The following GDPD5 variants were observed in gnomAD, a reference collection of about 807,000 sequenced individuals.
GDPD5 encodes glycerophosphodiester phosphodiesterase domain containing 5.
A neutral mutation model predicts 75.1 loss-of-function variants in GDPD5; 48 were observed. The observed-to-expected ratio is 0.64, with a 90% CI of 0.51 to 0.81. The LOEUF is 0.81. GDPD5 is among the 40% of genes least tolerant of loss of function. The probability of loss-of-function intolerance (pLI) is 0.00; values close to 1 mark genes in which losing one functional copy is unlikely to be tolerated. For synonymous variants in GDPD5, 336 were observed against 339.0 expected (o/e 0.99, Z 0.10); for missense variants, 706 against 822.6 (o/e 0.86, Z 1.73).
chr11:75,453,207 C>A (rs1949208966), intron 6 of GDPD5, among the ~76,000 whole-genome samples: 1 of 152,078 alleles, frequency 6.6e-6, no homozygotes, highest in South Asian at 2.1e-4. Flanking sequence ...CACATAAGCA[C>A]CAGATCTACT....
intron 9 of GDPD5, 93 bp downstream of exon 9, chr11:75,448,884 G>A: frequency 4.3e-6 from 6 of 1,390,558 alleles, no homozygotes; most frequent in Non-Finnish European, 5.7e-6. Flanking sequence ...GCTACAAATG[G>A]TTGCTACCAT....
chr11:75,439,881 C>G lies in GDPD5; in HGVS notation c.1554G>C (p.Gln518His). 1 of 1,613,384 alleles carries G rather than the reference C, an allele frequency of 6.2e-7. No homozygotes were observed. Among genetic ancestry groups the G allele is most frequent in the South Asian group, 1.1e-5 (1 of 91,056 alleles). ...FTLIVGIFVL[Q>H]KWRLGGIRSY... ...GGAAGTGGTCAGATCCTACTCACTT[C>G]TGGAGCACGAAGATGCCCACGATGA... is the stretch of plus-strand genomic sequence containing the variant. The change falls in exon 15 of 17, where the codon CAG becomes CAC. Residue 518 changes from glutamine (Q) to histidine (H), a missense_variant and splice_region_variant. Coordinates refer to ENST00000336898, the MANE Select transcript of GDPD5 (RefSeq NM_030792.8).
chr11:75,441,323 G>A lies in GDPD5; in HGVS notation c.1326-13C>T, dbSNP rs1183875074. The A allele has an allele frequency of 6.2e-7, 1 of 1,614,068 alleles. No homozygotes were observed. Among genetic ancestry groups the A allele is most frequent in the Non-Finnish European group, 8.5e-7 (1 of 1,179,986 alleles). On this transcript the variant is annotated splice_polypyrimidine_tract_variant and intron_variant, in intron 13 of 16. Coordinates refer to ENST00000336898, the MANE Select transcript of GDPD5 (RefSeq NM_030792.8). ...GGACGCGTAGTCCCTGTGGGGCAGG[G>A]GAGAGGCAGGTCAGCATGCGGACCC...
intron 1 of GDPD5, among the ~76,000 whole-genome samples, chr11:75,496,474 T>C (rs751359920): frequency 5.9e-5 from 9 of 152,222 alleles, no homozygotes; most frequent in Non-Finnish European, 1.5e-5. Context: ...TCCTATGTCA[T>C]ATGGGGACAC....
chr11:75,521,676 G>C (rs1941462026), intron 1 of GDPD5, among the ~76,000 whole-genome samples: 1 of 152,194 alleles, frequency 6.6e-6, no homozygotes. Flanking sequence ...GATTCAGAGG[G>C]GGCATGACCA....
chr11:75,444,715 G>C (rs1008001315), intron 9 of GDPD5, among the ~76,000 whole-genome samples: 3 of 152,152 alleles, frequency 2.0e-5, no homozygotes, highest in East Asian at 1.9e-4. Flanking sequence ...TACTGGGGGC[G>C]GGGGAGGCAG....
At chr11:75,475,274 A>G (rs950419686) in intron 3 of GDPD5, among the ~76,000 whole-genome samples, 5 of 152,100 alleles carry the variant, frequency 3.3e-5, no homozygotes, top group African/African-American at 9.7e-5. Flanking sequence ...GTTGGGAGAT[A>G]CAGGGGGAGA....
At chr11:75,493,981 T>C (rs1950163688) in intron 1 of GDPD5, among the ~76,000 whole-genome samples, 1 of 152,156 alleles carries the variant, frequency 6.6e-6, no homozygotes, top group South Asian at 2.1e-4. Context: ...TCTTTAAATT[T>C]GCAACTAGAT....
chr11:75,443,840 T>G (rs1242123523), intron 10 of GDPD5, among the ~76,000 whole-genome samples: 1 of 152,208 alleles, frequency 6.6e-6, no homozygotes, highest in Non-Finnish European at 1.5e-5. Flanking sequence ...CAAGGCATTT[T>G]ACCACCATCT....
intron 2 of GDPD5, 54 bp from the exon 3 acceptor site, chr11:75,477,849 C>G (rs1383355269): frequency 4.8e-6 from 3 of 626,424 alleles, no homozygotes; most frequent in Non-Finnish European, 5.4e-6. Context: ...GAGTCAGGCA[C>G]CACACAGCAA....
chr11:75,504,291 C>G (rs1465107195), intron 1 of GDPD5, among the ~76,000 whole-genome samples: 1 of 152,230 alleles, frequency 6.6e-6, no homozygotes, highest in Non-Finnish European at 1.5e-5. Context: ...AGCAATCCCA[C>G]TGGGCACGGT....
intron 1 of GDPD5, among the ~76,000 whole-genome samples, chr11:75,520,444 G>T (rs757082123): frequency 6.6e-6 from 1 of 152,188 alleles, no homozygotes; most frequent in Non-Finnish European, 1.5e-5. Flanking sequence ...GGAGGGTGTG[G>T]CTCTGTGCCA....
chr11:75,512,325 C>CACACACACACACAA (rs55710152), intron 1 of GDPD5, among the ~76,000 whole-genome samples: 1 of 149,058 alleles, frequency 6.7e-6, no homozygotes, highest in Non-Finnish European at 1.5e-5. Flanking sequence ...CACACACACA[C>CACACACACACACAA]GAGGGGAGAG....
intron 1 of GDPD5, among the ~76,000 whole-genome samples, chr11:75,515,090 T>C (rs1413243576): frequency 6.6e-6 from 1 of 152,154 alleles, no homozygotes. Flanking sequence ...TCTCTGAGGA[T>C]CCAGGTGTTA....
At chr11:75,468,934 C>G (rs1051485998) in intron 3 of GDPD5, among the ~76,000 whole-genome samples, 1 of 152,264 alleles carries the variant, frequency 6.6e-6, no homozygotes, top group Admixed American at 6.5e-5. Context: ...ATCACCACCA[C>G]CTCACAGGAG....
chr11:75,524,626 A>G (rs1188006536), intron 1 of GDPD5, among the ~76,000 whole-genome samples: 1 of 152,178 alleles, frequency 6.6e-6, no homozygotes, highest in African/African-American at 2.4e-5. Flanking sequence ...CCAACAGATA[A>G]GCACGTCTCA....
intron 1 of GDPD5, among the ~76,000 whole-genome samples, chr11:75,511,819 A>C (rs537508133): frequency 1.5e-4 from 23 of 152,346 alleles, no homozygotes; most frequent in African/African-American, 5.5e-4. Context: ...AGTGGGCCAG[A>C]GACCTGAGTG....
intron 15 of GDPD5, chr11:75,438,014 A>G (rs1948671012): frequency 1.3e-5 from 2 of 152,300 alleles, no homozygotes; most frequent in African/African-American, 4.8e-5. Flanking sequence ...AGACTCCACA[A>G]GAAACCAACT....
chr11:75,435,561 G>A lies in GDPD5; in HGVS notation c.1764C>T (p.Gly588=), dbSNP rs756334817. 6.8e-6 allele frequency: 11 copies of A among 1,613,250 alleles called. 1 individual carries two copies. The South Asian group carries it at 1.2e-4, about 18-fold the overall frequency. ...TYANSTATPV[G]PRGGGSHTKT... is the part of the protein sequence containing the mutation. ...TGGTGTGGCTGCCACCCCCTCGGGG[G>A]CCCACAGGGGTGGCGGTGCTGTTGG... The change falls in exon 17 of 17, where the codon GGC becomes GGT. Residue 588 remains glycine, a synonymous_variant. Coordinates refer to ENST00000336898, the MANE Select transcript of GDPD5 (RefSeq NM_030792.8).
Sources: gnomAD v4.1 joint callset for allele counts (sites outside exome capture counted in the v4.1 genomes callset) on GRCh38, gnomAD v4.1.1 for gene constraint, MANE v1.5 for transcripts, NCBI Gene and HGNC (gene_info 2026-07-23, HGNC 2026-07-21) for gene names.